RHOBTB2: variants seen among roughly 807,000 people sequenced by gnomAD.
RHOBTB2 encodes the protein Rho related BTB domain containing 2.
RHOBTB2 carries 39 observed loss-of-function variants against 66.5 expected under a neutral mutation model. The observed-to-expected ratio is 0.59, with a 90% confidence interval of 0.45 to 0.77. RHOBTB2 has a LOEUF of 0.77. RHOBTB2 is among the 30% of genes least tolerant of loss of function. The pLI, the probability that RHOBTB2 is intolerant of heterozygous loss-of-function variation, is 0.00. For synonymous variants in RHOBTB2, 390 were observed against 395.0 expected (o/e 0.99, Z 0.15); for missense variants, 755 against 999.1 (o/e 0.76, Z 3.29).
chr8:23,013,739 A>G (rs1198984453), intron 7 of RHOBTB2, among the ~76,000 whole-genome samples: 1 of 152,078 alleles, frequency 6.6e-6, no homozygotes, highest in East Asian at 1.9e-4. Context: ...CAAGTGATCC[A>G]CCCGCCTTGG....
At chr8:22,980,727 T>C in the RHOBTB2 span, among the ~76,000 whole-genome samples, 1 of 152,200 alleles carries the variant, frequency 6.6e-6, no homozygotes, top group Non-Finnish European at 1.5e-5. Flanking sequence ...CCAAGTTTTT[T>C]TAAAAAACAA....
At chr8:23,013,248 A>T (rs1279577591) in intron 7 of RHOBTB2, among the ~76,000 whole-genome samples, 3 of 151,766 alleles carry the variant, frequency 2.0e-5, no homozygotes, top group Admixed American at 6.5e-5. Flanking sequence ...TTAATGAATT[A>T]TTATAAAGAA....
chr8:22,979,741 T>A, the RHOBTB2 span, among the ~76,000 whole-genome samples: 1 of 122,812 alleles, frequency 8.1e-6, no homozygotes. Flanking sequence ...TTCTTTTCTT[T>A]CTTTTTTTTT....
the RHOBTB2 span, among the ~76,000 whole-genome samples, chr8:22,966,235 C>T: frequency 6.6e-6 from 1 of 151,972 alleles, no homozygotes; most frequent in Admixed American, 6.6e-5. Context: ...CGCCTGTAGT[C>T]CCAGCTACTT....
intron 1 of RHOBTB2, among the ~76,000 whole-genome samples, chr8:22,991,564 G>A (rs768665605): frequency 1.2e-4 from 19 of 152,156 alleles, no homozygotes; most frequent in Non-Finnish European, 2.5e-4. Context: ...AAAAAGTCAG[G>A]GCCAGAGACC....
upstream of RHOBTB2, among the ~76,000 whole-genome samples, chr8:22,998,233 G>A (rs529960298): frequency 2.0e-5 from 3 of 152,216 alleles, no homozygotes; most frequent in South Asian, 2.1e-4. Flanking sequence ...TTTTTAACCC[G>A]GCTTTCTTTT....
chr8:23,001,807 C>G (rs182770155), intron 1 of RHOBTB2, among the ~76,000 whole-genome samples: 2 of 151,500 alleles, frequency 1.3e-5, no homozygotes, highest in African/African-American at 2.5e-5. Flanking sequence ...ATGATACAAA[C>G]AGAGAGGCAG....
rs773039376 is a variant in RHOBTB2, at chr8:23,007,100, C to T, written c.855C>T (p.Leu285=). Reference sequence around the variant, plus strand: ...GCATCTTTGCCCACAAGATCTACCTCTCCACCTCTTCCTCCAAGTTCTATG... The same window carrying T: ...GCATCTTTGCCCACAAGATCTACCTTTCCACCTCTTCCTCCAAGTTCTATG... ...RVRIFAHKIY[L]STSSSKFYDL... is the part of the protein sequence containing the mutation. The change falls in exon 5 of 10, where the codon CTC becomes CTT. Residue 285 remains leucine, a synonymous_variant. Coordinates refer to ENST00000251822, the MANE Select transcript of RHOBTB2 (RefSeq NM_015178.3). 15 of 1,610,862 alleles carry T rather than the reference C, an allele frequency of 9.3e-6. No individual in the cohort carries two copies. Among genetic ancestry groups the T allele is most frequent in the Non-Finnish European group, 1.2e-5 (14 of 1,179,860 alleles).
chr8:22,992,480 C>A (rs1295753013), intron 2 of RHOBTB2, among the ~76,000 whole-genome samples: 2 of 152,272 alleles, frequency 1.3e-5, no homozygotes, highest in Non-Finnish European at 2.9e-5. Context: ...GCAGCTTGGT[C>A]AAGGAGAAGG....
Position 23,020,108 on chromosome 8 carries a change from G to A in RHOBTB2, c.*2639G>A. ...ATTCACAGGAGGAGGGGAGGTTGGG[G>A]GGCGGGAGACAAAAACCACACCTCT... On this transcript the variant is annotated 3_prime_UTR_variant, in exon 10 of 10. Coordinates refer to ENST00000251822, the MANE Select transcript of RHOBTB2 (RefSeq NM_015178.3). The A allele has an allele frequency of 2.7e-6, 1 of 371,450 alleles. No homozygotes were observed. Among genetic ancestry groups the A allele is most frequent in the Non-Finnish European group, 5.3e-6 (1 of 187,648 alleles). 23.0% of individuals were successfully genotyped at this position (371,450 alleles called of 1,614,324 possible). A position where few individuals can be genotyped will look rare whatever the true frequency, so the allele number is the denominator to read the frequency against.
rs1018127687 is a variant in RHOBTB2 at position 23,005,610 on chromosome 8, G to A, written c.296+135G>A. 1.3e-5 allele frequency: 9 copies of A among 690,308 alleles called. No individual in the cohort carries two copies. The African/African-American group carries it at 1.4e-4, about 11-fold the overall frequency. The allele number at this position is 690,308 out of a possible 1,614,324, so 42.8% of individuals were successfully genotyped here. On this transcript the variant is annotated intron_variant, in intron 3 of 9. Transcript: ENST00000251822. ...GAAAACAGCTCTGGCAGAGCCTCAT[G>A]GGGGCTGGGGCAGCCTGGTGCAGTG...
chr8:23,010,875 C>T (rs1213617774), intron 7 of RHOBTB2, among the ~76,000 whole-genome samples, 187 bp downstream of exon 7: 1 of 152,092 alleles, frequency 6.6e-6, no homozygotes, highest in African/African-American at 2.4e-5. Context: ...AAGGGTGGTG[C>T]GGGGCATGTT....
intron 1 of RHOBTB2, among the ~76,000 whole-genome samples, chr8:22,988,771 T>C (rs183543184): frequency 2.2e-4 from 33 of 152,216 alleles, no homozygotes; most frequent in Admixed American, 3.3e-4. Context: ...AGTAGCTGAA[T>C]GGGTCACCCT....
At chr8:23,003,699 G>A (rs1345814408) in intron 1 of RHOBTB2, among the ~76,000 whole-genome samples, 2 of 152,214 alleles carry the variant, frequency 1.3e-5, no homozygotes, top group African/African-American at 4.8e-5. Context: ...CTGTAGCTGA[G>A]CATGACACAT....
chr8:23,002,334 C>T (rs1232246981), intron 1 of RHOBTB2, among the ~76,000 whole-genome samples: 1 of 152,190 alleles, frequency 6.6e-6, no homozygotes, highest in East Asian at 1.9e-4. Context: ...AAGTGGGGTT[C>T]CCGGTCCTCA....
the RHOBTB2 span, among the ~76,000 whole-genome samples, chr8:22,961,300 C>A: frequency 2.1e-4 from 32 of 152,264 alleles, no homozygotes; most frequent in African/African-American, 7.0e-4. Flanking sequence ...CCTCTGAGCT[C>A]CAGTCAATCA....
At position 22,999,567 on chromosome 8, in the gene RHOBTB2, G is replaced by C; in HGVS notation, c.-549G>C. On this transcript the variant is annotated 5_prime_UTR_variant, in exon 1 of 10. Coordinates refer to ENST00000251822, the MANE Select transcript of RHOBTB2 (RefSeq NM_015178.3). ...GTGGGCGGGGCCCGTCACGGCTGTC[G>C]TCTTGGGTGCGATTTTTTTCTCCTC... The C allele has an allele frequency of 8.3e-7, 1 of 1,210,780 alleles. No individual in the cohort carries two copies. The highest frequency in any genetic ancestry group is 1.4e-5 in the South Asian group (1 of 70,734). 75.0% of individuals were successfully genotyped at this position (1,210,780 alleles called of 1,614,324 possible).
chr8:22,964,692 T>C, the RHOBTB2 span, among the ~76,000 whole-genome samples: 1 of 152,110 alleles, frequency 6.6e-6, no homozygotes, highest in African/African-American at 2.4e-5. Context: ...CAGTGAGCAA[T>C]ATCTTTATTA....
Position 23,008,110 on chromosome 8 carries a change from A to C in RHOBTB2, c.1619A>C (p.Glu540Ala), listed in dbSNP as rs1456975037. 1 of 1,604,258 alleles carries C rather than the reference A, an allele frequency of 6.2e-7. No homozygotes were observed. Among genetic ancestry groups the C allele is most frequent in the African/African-American group, 1.3e-5 (1 of 74,286 alleles). ...GGPFVESSTR[E>A]VVFPYTSKSC... ...CCATTTGTGGAGAGCTCCACCCGGG[A>C]GGTAAGGCTGAGGACACAAAGGGGG... is the stretch of plus-strand genomic sequence containing the variant. The change falls in exon 6 of 10, where the codon GAG becomes GCG. Residue 540 changes from glutamate (E) to alanine (A), a missense_variant and splice_region_variant. Coordinates refer to ENST00000251822, the MANE Select transcript of RHOBTB2 (RefSeq NM_015178.3).
Sources: gnomAD v4.1 joint callset for allele counts (sites outside exome capture counted in the v4.1 genomes callset) on GRCh38, gnomAD v4.1.1 for gene constraint, MANE v1.5 for transcripts, NCBI Gene and HGNC (gene_info 2026-07-23, HGNC 2026-07-21) for gene names.